CHFR: variants seen among roughly 807,000 people sequenced by gnomAD.
The protein encoded by CHFR is E3 ubiquitin-protein ligase CHFR.
Under a neutral mutation model 87.6 loss-of-function variants are expected in CHFR, and 57 were observed. The observed-to-expected ratio is 0.65, with a 90% CI of 0.53 to 0.81. The LOEUF (loss-of-function observed/expected upper bound fraction) is 0.81, where lower values mean the gene tolerates loss of function less well. Ranked by LOEUF, CHFR falls within the 30% of genes least tolerant of loss-of-function variation. The probability of loss-of-function intolerance (pLI) is 0.00; values close to 1 mark genes in which losing one functional copy is unlikely to be tolerated. For synonymous variants in CHFR, 381 were observed against 359.2 expected, an observed-to-expected ratio of 1.06 and a Z score of -0.69; for missense variants, 797 against 865.8, an observed-to-expected ratio of 0.92 and a Z score of 1.00.
chr12:132,876,372 C>T (rs1204045736), intron 3 of CHFR, among the ~76,000 whole-genome samples: 2 of 152,110 alleles, frequency 1.3e-5, no homozygotes, highest in Non-Finnish European at 2.9e-5. Flanking sequence ...ACTTTTTGAG[C>T]ACCAACAAGA....
intron 12 of CHFR, among the ~76,000 whole-genome samples, chr12:132,850,785 G>A (rs780154354): frequency 3.9e-5 from 6 of 152,116 alleles, no homozygotes; most frequent in South Asian, 2.1e-4. Flanking sequence ...AGCCAACCGC[G>A]GTGCTCAACA....
chr12:132,885,473 C>T (rs1016743296), intron 2 of CHFR, among the ~76,000 whole-genome samples: 6 of 151,456 alleles, frequency 4.0e-5, no homozygotes, highest in Non-Finnish European at 8.8e-5. Context: ...TTGCTTAAGC[C>T]ACCCAGAATG....
intron 8 of CHFR, 67 bp from the exon 9 acceptor site, chr12:132,857,626 C>G: frequency 6.6e-7 from 1 of 1,511,946 alleles, no homozygotes; most frequent in East Asian, 2.4e-5. Context: ...CGACCAAGGT[C>G]CGCAGCAGCC....
Position 132,847,981 on chromosome 12 carries a change from G to C in CHFR, c.1647+104C>G. 2.5e-6 allele frequency: 4 copies of C among 1,570,604 alleles called. No individual in the cohort carries two copies. In the South Asian group the frequency reaches 4.6e-5, roughly 18 times the overall value. The stretch of plus-strand genomic sequence containing the variant: ...GGCTCCCGGCTCCCCAACCCGCAGC[G>C]GGTCAGGTAAAACAGATAAACACCA... On this transcript the variant is annotated intron_variant, in intron 14 of 17. Transcript: ENST00000450056.
chr12:132,838,967 C>T lies in CHFR; in HGVS notation c.*2587G>A, dbSNP rs1030698389. 6.6e-6 allele frequency: 1 copy of T among 152,452 alleles called. No homozygotes were observed. The highest frequency in any genetic ancestry group is 2.4e-5 in the African/African-American group (1 of 41,438). 9.4% of individuals were successfully genotyped at this position (152,452 alleles called of 1,614,324 possible). A position where few individuals can be genotyped will look rare whatever the true frequency, so the allele number is the denominator to read the frequency against. On this transcript the variant is annotated 3_prime_UTR_variant, in exon 18 of 18. Coordinates refer to ENST00000450056, the MANE Select transcript of CHFR (RefSeq NM_001161346.2). Reference sequence around the variant, plus strand: ...CCCTCACATCACAGCCAAACCCAAGCTGTTCCGACTGCTCCAGGTAGAAAT... The same window carrying T: ...CCCTCACATCACAGCCAAACCCAAGTTGTTCCGACTGCTCCAGGTAGAAAT...
At position 132,851,607 on chromosome 12, in the gene CHFR, C is replaced by T. The variant is rs771058147; in HGVS notation, c.1492+11G>A. 1.5e-5 allele frequency: 24 copies of T among 1,603,706 alleles called. No individual in the cohort carries two copies. Among genetic ancestry groups the T allele is most frequent in the Admixed American group, 8.4e-5 (5 of 59,554 alleles). On this transcript the variant is annotated intron_variant, in intron 12 of 17. Coordinates refer to ENST00000450056, the MANE Select transcript of CHFR (RefSeq NM_001161346.2). ...AGGAACCCGCCTGCGTGCGGTGGCG[C>T]GGGCACTCACACTGCTGAGGGGCGA... is the stretch of plus-strand genomic sequence containing the variant.
At chr12:132,845,251 C>T (rs934376737) in intron 15 of CHFR, among the ~76,000 whole-genome samples, 2 of 151,570 alleles carry the variant, frequency 1.3e-5, no homozygotes, top group African/African-American at 2.4e-5. Context: ...GTCAGGAGTT[C>T]GAGACCAGCC....
rs1291776862 is a variant in CHFR at position 132,836,831 on chromosome 12, C to A, written c.*4723G>T. On this transcript the variant is annotated 3_prime_UTR_variant, in exon 18 of 18. Coordinates refer to ENST00000450056, the MANE Select transcript of CHFR (RefSeq NM_001161346.2). ...TCATCAGACCTTCACCGTTCAGTAG[C>A]CAACTGGTCAGTGATCAGTAGATGC... The A allele has an allele frequency of 6.6e-6, 3 of 452,020 alleles. No homozygotes were observed. The Admixed American group carries it at 7.1e-5, about 11-fold the overall frequency. 28.0% of individuals were successfully genotyped at this position (452,020 alleles called of 1,614,324 possible).
chr12:132,843,412 T>C (rs1314693401), intron 16 of CHFR, among the ~76,000 whole-genome samples: 2 of 150,898 alleles, frequency 1.3e-5, no homozygotes, highest in African/African-American at 2.4e-5. Flanking sequence ...GGCGACAGAG[T>C]CAGACTCTGT....
intron 2 of CHFR, among the ~76,000 whole-genome samples, chr12:132,879,460 A>G (rs7963509): frequency 0.96 from 144,782 of 150,306 alleles, 69,948 homozygotes; most frequent in East Asian, 1. Flanking sequence ...GCACGATCTC[A>G]GCTCACTGCA....
At chr12:132,865,841 A>C (rs992670130) in intron 6 of CHFR, 2 of 150,336 alleles carry the variant, frequency 1.3e-5, no homozygotes, top group African/African-American at 4.9e-5. Context: ...TGTATTTTTT[A>C]TATTGTATTT....
rs1288110354 is a variant in CHFR at position 132,841,571 on chromosome 12, T to G, written c.1942A>C (p.Thr648Pro). Residue 648 changes from threonine to proline, a missense_variant, in exon 18 of 18, where the codon ACA becomes CCA. Thr to Pro is a conservative substitution (Grantham distance 38). Coordinates refer to ENST00000450056, the MANE Select transcript of CHFR (RefSeq NM_001161346.2). Reference protein sequence around the residue: ...AMKFNHICEQTRFKN With the variant: ...AMKFNHICEQPRFKN ...CTGGATGCTTAGTTTTTGAACCTTG[T>G]CTGTTCACAGATATGATTGAATTTC... 1 of 1,613,998 alleles carries G rather than the reference T, an allele frequency of 6.2e-7. No homozygotes were observed. The highest frequency in any genetic ancestry group is 1.1e-5 in the South Asian group (1 of 91,092).
rs1182861753 is a variant in CHFR at position 132,839,615 on chromosome 12, C to T, written c.*1939G>A. On this transcript the variant is annotated 3_prime_UTR_variant, in exon 18 of 18. Transcript: ENST00000450056. ...ACCTCCCCTCTCGGCCTCACCCCTG[C>T]ACTTAGGGACCTCCCCTCTCAGCCT... The T allele has an allele frequency of 1.9e-5, 3 of 160,338 alleles. No homozygotes were observed. Among genetic ancestry groups the T allele is most frequent in the Admixed American group, 1.4e-4 (2 of 14,084 alleles). The allele number at this position is 160,338 out of a possible 1,614,324, so 9.9% of individuals were successfully genotyped here.
At chr12:132,852,921 C>G (rs866058980) in intron 11 of CHFR, among the ~76,000 whole-genome samples, 1 of 152,224 alleles carries the variant, frequency 6.6e-6, no homozygotes, top group African/African-American at 2.4e-5. Flanking sequence ...AGCCTCCATA[C>G]CCCCTGCCCA....
At chr12:132,876,660 T>G (rs528362205) in intron 3 of CHFR, among the ~76,000 whole-genome samples, 1 of 152,324 alleles carries the variant, frequency 6.6e-6, no homozygotes, top group Non-Finnish European at 1.5e-5. Flanking sequence ...TTCTGAGACA[T>G]ACTTAATTTG....
At chr12:132,845,085 A>AT (rs1950789427) in intron 15 of CHFR, among the ~76,000 whole-genome samples, 1 of 9,662 alleles carries the variant, frequency 1.0e-4, no homozygotes, top group Admixed American at 1.5e-3. Flanking sequence ...CAAAATTAAA[A>AT]TAAATACAAC....
chr12:132,847,569 G>A (rs991488425), intron 14 of CHFR: 58 of 1,062,776 alleles, frequency 5.5e-5, no homozygotes, highest in Admixed American at 9.8e-5. Flanking sequence ...CTGAGCGGGC[G>A]CCTGCCAGGT....
chr12:132,886,360 G>A lies in CHFR; in HGVS notation c.133+836C>T, dbSNP rs575648025. The stretch of plus-strand genomic sequence containing the variant: ...AAAACCAGGTGCAAGCACATTATAA[G>A]GGGTGAAATTAACCAAAAAAAAAAA... On this transcript the variant is annotated intron_variant, in intron 2 of 17. Coordinates refer to ENST00000450056, the MANE Select transcript of CHFR (RefSeq NM_001161346.2). Among the ~76,000 whole-genome samples the A allele has an allele frequency of 5.5e-5, 5 of 91,540 alleles. No individual in the cohort carries two copies. In the East Asian group the frequency reaches 1.6e-3, roughly 30 times the overall value. The allele number at this position is 91,540 out of a possible 152,430, so 60.1% of individuals were successfully genotyped here.
chr12:132,864,836 C>T (rs1378676351), intron 6 of CHFR, among the ~76,000 whole-genome samples: 4 of 152,150 alleles, frequency 2.6e-5, no homozygotes, highest in Non-Finnish European at 4.4e-5. Context: ...ATACGCTGCC[C>T]TTTTTAAGTA....
Sources: gnomAD v4.1 joint callset for allele counts (sites outside exome capture counted in the v4.1 genomes callset) on GRCh38, gnomAD v4.1.1 for gene constraint, MANE v1.5 for transcripts, NCBI Gene and HGNC (gene_info 2026-07-23, HGNC 2026-07-21) for gene names.